The following SIDT2 variants were observed in gnomAD, a reference collection of about 807,000 sequenced individuals.
SIDT2 encodes the protein SID1 transmembrane family member 2.
In SIDT2, 68 loss-of-function variants were observed where a neutral mutation model predicts 114.4. The observed-to-expected ratio is 0.59, with a 90% CI of 0.49 to 0.73. The LOEUF is 0.73. SIDT2 is among the 30% of genes least tolerant of loss of function. The pLI, the probability that SIDT2 is intolerant of heterozygous loss-of-function variation, is 0.00. For missense variants in SIDT2, 918 were observed against 1,097.1 expected (o/e 0.84, Z 2.31); for synonymous variants, 470 against 438.4 (o/e 1.07, Z -0.90).
At position 117,191,863 on chromosome 11, in the gene SIDT2, T is replaced by C. The variant is rs2030712126; in HGVS notation, c.1736-15T>C. On this transcript the variant is annotated splice_polypyrimidine_tract_variant and intron_variant, in intron 18 of 25. Transcript: ENST00000324225. ...TGGCCATTTCTGCAGCTCCCTTCCGTGTCCCTCATCCTAGACACATCGTTC... is the reference window on the plus strand; with the variant it reads ...TGGCCATTTCTGCAGCTCCCTTCCGCGTCCCTCATCCTAGACACATCGTTC... The C allele has an allele frequency of 1.2e-6, 2 of 1,612,740 alleles. No individual in the cohort carries two copies. The highest frequency in any genetic ancestry group is 8.5e-7 in the Non-Finnish European group (1 of 1,178,996).
At position 117,190,474 on chromosome 11, in the gene SIDT2, G is replaced by T; in HGVS notation, c.1618-149G>T. 1 of 895,064 alleles carries T rather than the reference G, an allele frequency of 1.1e-6. No homozygotes were observed. The highest frequency in any genetic ancestry group is 1.5e-6 in the Non-Finnish European group (1 of 666,250). 55.4% of individuals were successfully genotyped at this position (895,064 alleles called of 1,614,324 possible). On this transcript the variant is annotated intron_variant, in intron 17 of 25. Transcript: ENST00000324225. This position sits in a 1 kb window ranked among gnomAD's most constrained non-coding sequence, Gnocchi z 4.1. ...CTGCCCTGCCCTCCCTTGCCAGCCT[G>T]CCCAGGCCAGCCCACCCCTGCACAC...
At chr11:117,189,563 C>A (rs944253847) in intron 15 of SIDT2, 162 bp downstream of exon 15, 11 of 711,918 alleles carry the variant, frequency 1.5e-5, no homozygotes, top group Admixed American at 5.7e-5. Context: ...CATAACCCCC[C>A]CAACCCTGAG....
At chr11:117,191,777 G>T in intron 18 of SIDT2, 101 bp from the exon 19 acceptor site, 1 of 1,492,862 alleles carries the variant, frequency 6.7e-7, no homozygotes, top group Non-Finnish European at 9.1e-7. Context: ...CCGTGGTGGG[G>T]CACCAGGGCT....
intron 10 of SIDT2, chr11:117,186,859 C>G: frequency 8.8e-7 from 1 of 1,132,918 alleles, no homozygotes; most frequent in South Asian, 1.3e-5. Flanking sequence ...TATTCCATGT[C>G]TAGCGATGGT....
intron 6 of SIDT2, 66 bp downstream of exon 6, chr11:117,182,872 T>A: frequency 6.6e-7 from 1 of 1,525,340 alleles, no homozygotes; most frequent in Non-Finnish European, 8.9e-7. Flanking sequence ...TTTCCAAACT[T>A]GAGCTCTTCT....
intron 13 of SIDT2, 21 bp from the exon 14 acceptor site, chr11:117,189,148 C>T (rs2030609983): frequency 6.2e-7 from 1 of 1,613,126 alleles, no homozygotes; most frequent in Admixed American, 1.7e-5. Flanking sequence ...GTAAGTGGGG[C>T]TGATTCCAGC....
In SIDT2 at chr11:117,192,902, G is replaced by C. The variant is rs2030756300; in HGVS notation, c.2105+36G>C. On this transcript the variant is annotated intron_variant, in intron 22 of 25. Transcript: ENST00000324225. The surrounding 1 kb of genome is among the most constrained non-coding windows in gnomAD (Gnocchi z 5.9). Reference sequence around the variant, plus strand: ...TCAGCAGTAGTGGCCTGGTTGGGTGGACAGCTGGGGACTCGGTCAGCCACT... The same window carrying C: ...TCAGCAGTAGTGGCCTGGTTGGGTGCACAGCTGGGGACTCGGTCAGCCACT... 1 of 1,613,612 alleles carries C rather than the reference G, an allele frequency of 6.2e-7. No individual in the cohort carries two copies. The highest frequency in any genetic ancestry group is 1.1e-5 in the South Asian group (1 of 91,076).
At chr11:117,181,769 A>T in intron 2 of SIDT2, 38 bp from the exon 3 acceptor site, 1 of 1,613,420 alleles carries the variant, frequency 6.2e-7, no homozygotes, top group Non-Finnish European at 8.5e-7. Flanking sequence ...GCCGGCTGGG[A>T]CAGTGCTCAC....
rs138525397 is a variant in SIDT2 at position 117,179,602 on chromosome 11, C to T, written c.183+156C>T. On this transcript the variant is annotated intron_variant, in intron 1 of 25. Transcript: ENST00000324225. ...CCACACTGGAGCCTCTTGACCAGTCCTCCTTCCTTTGCCACCAATGTTTCT... is the reference window on the plus strand; with the variant it reads ...CCACACTGGAGCCTCTTGACCAGTCTTCCTTCCTTTGCCACCAATGTTTCT... 339 of 686,906 alleles carry T rather than the reference C, an allele frequency of 4.9e-4. 2 individuals are homozygous for T. The African/African-American group carries it at 5.4e-3, about 11-fold the overall frequency. The allele number at this position is 686,906 out of a possible 1,614,324, so 42.6% of individuals were successfully genotyped here. A position where few individuals can be genotyped will look rare whatever the true frequency, so the allele number is the denominator to read the frequency against.
chr11:117,180,168 G>C (rs1034837116), intron 1 of SIDT2, among the ~76,000 whole-genome samples: 2 of 152,142 alleles, frequency 1.3e-5, no homozygotes, highest in Non-Finnish European at 2.9e-5. Flanking sequence ...TCTCGTGCCC[G>C]GGTCTCTTGC....
intron 24 of SIDT2, 89 bp from the exon 25 acceptor site, chr11:117,195,713 G>C: frequency 2.2e-6 from 3 of 1,354,418 alleles, no homozygotes; most frequent in Non-Finnish European, 3.1e-6. Flanking sequence ...GCTGGAGAGA[G>C]GGGTGCCCAG....
At chr11:117,189,893 G>A in intron 15 of SIDT2, 59 bp from the exon 16 acceptor site, 2 of 1,563,564 alleles carry the variant, frequency 1.3e-6, no homozygotes, top group Non-Finnish European at 1.8e-6. Flanking sequence ...CGGATGGCGG[G>A]GCGTGGGCTG....
In SIDT2 at chr11:117,182,734, T is replaced by C. The variant is rs2030341020; in HGVS notation, c.630T>C (p.Tyr210=). ...ISIQDVLCPV[Y]DLDNNVAFIG... is the part of the protein sequence containing the mutation. Reference sequence around the variant, plus strand: ...CCGCCCCTCTGCAGTGTCCTGTCTATGACCTGGACAACAACGTAGCCTTCA... The same window carrying C: ...CCGCCCCTCTGCAGTGTCCTGTCTACGACCTGGACAACAACGTAGCCTTCA... The change falls in exon 6 of 26, where the codon TAT becomes TAC. Residue 210 remains tyrosine, a synonymous_variant. Transcript: ENST00000324225. The C allele has an allele frequency of 1.2e-6, 2 of 1,614,212 alleles. No homozygotes were observed. Among genetic ancestry groups the C allele is most frequent in the East Asian group, 2.2e-5 (1 of 44,882 alleles).
In SIDT2 at chr11:117,184,223, A is replaced by C. The variant is rs144584357; in HGVS notation, c.868+84A>C. 1.6e-3 allele frequency: 2,244 copies of C among 1,366,430 alleles called. 26 individuals are homozygous for C. In the African/African-American group the frequency reaches 0.027, roughly 17 times the overall value. 84.6% of individuals were successfully genotyped at this position (1,366,430 alleles called of 1,614,324 possible). On this transcript the variant is annotated intron_variant, in intron 8 of 25. Transcript: ENST00000324225. The stretch of plus-strand genomic sequence containing the variant: ...ACCTGGGATATAGGGTGTGCCCTGA[A>C]GTGGGTGATGAGGATGCAGATATGC...
At chr11:117,183,493 C>G (rs1419328411) in intron 6 of SIDT2, among the ~76,000 whole-genome samples, 1 of 152,076 alleles carries the variant, frequency 6.6e-6, no homozygotes, top group East Asian at 1.9e-4. Context: ...TAAAAATTAG[C>G]TGGGCGTGGT....
At position 117,188,625 on chromosome 11, in the gene SIDT2, T is replaced by G; in HGVS notation, c.1160-83T>G. ...TTGCCTCTTCCCTACTGCCTAATAA[T>G]TGTTACAATTGCCTCAGATGGGCGA... On this transcript the variant is annotated intron_variant, in intron 12 of 25. Coordinates refer to ENST00000324225, the MANE Select transcript of SIDT2 (RefSeq NM_001040455.2). This position sits in a 1 kb window ranked among gnomAD's most constrained non-coding sequence, Gnocchi z 4.0. The G allele has an allele frequency of 1.9e-6, 2 of 1,079,186 alleles. No homozygotes were observed. Among genetic ancestry groups the G allele is most frequent in the Non-Finnish European group, 2.9e-6 (2 of 697,880 alleles). The allele number at this position is 1,079,186 out of a possible 1,614,324, so 66.9% of individuals were successfully genotyped here.
At chr11:117,187,590 C>T in intron 11 of SIDT2, 38 bp from the exon 12 acceptor site, 1 of 1,609,842 alleles carries the variant, frequency 6.2e-7, no homozygotes, top group Non-Finnish European at 8.5e-7. Context: ...TTCCCTGCGG[C>T]CTCTCCTTCC....
At chr11:117,181,362 G>A in intron 1 of SIDT2, 54 bp from the exon 2 acceptor site, 1 of 1,609,510 alleles carries the variant, frequency 6.2e-7, no homozygotes, top group Non-Finnish European at 8.5e-7. Flanking sequence ...AGTCTCTGGA[G>A]CCACGTGTCC....
rs759760124 is a variant in SIDT2 at position 117,182,647 on chromosome 11, C to T, written c.618+27C>T. The T allele has an allele frequency of 3.1e-6, 5 of 1,614,104 alleles. No homozygotes were observed. In the East Asian group the frequency reaches 8.9e-5, roughly 29 times the overall value. ...TGAGTTGCCTGCCCTTTTGCTCTTC[C>T]CCAGCAGGCAGCAGGGCTGCTAAAG... is the stretch of plus-strand genomic sequence containing the variant. On this transcript the variant is annotated intron_variant, in intron 5 of 25. Coordinates refer to ENST00000324225, the MANE Select transcript of SIDT2 (RefSeq NM_001040455.2).
Sources: gnomAD v4.1 joint callset for allele counts (sites outside exome capture counted in the v4.1 genomes callset) on GRCh38, gnomAD v4.1.1 for gene constraint, Gnocchi (gnomAD v3.1) non-coding constraint, MANE v1.5 for transcripts, NCBI Gene and HGNC (gene_info 2026-07-23, HGNC 2026-07-21) for gene names.